The following ABCA12 variants were observed in gnomAD, a reference collection of about 807,000 sequenced individuals.
ABCA12 encodes the protein ATP binding cassette subfamily A member 12.
In ABCA12, 156 loss-of-function variants were observed where a neutral mutation model predicts 293.5. The ratio of observed to expected loss-of-function variants is 0.53; its 90% CI spans 0.47 to 0.61. ABCA12 has a LOEUF of 0.61. Among genes scored for constraint, ABCA12 ranks in the 20% least tolerant of loss-of-function variants. The pLI, the probability that ABCA12 is intolerant of heterozygous loss-of-function variation, is 0.00. For missense variants in ABCA12, 2,797 were observed against 3,090.2 expected (o/e 0.91, Z 2.25); for synonymous variants, 1,063 against 1,108.0 (o/e 0.96, Z 0.81).
rs201503189 is a variant in ABCA12, at chr2:215,011,614, T to C, written c.2157A>G (p.Gln719=). Reference sequence around the variant, plus strand: ...CTTGGGAGATGGTGCTAAATGATCCTTGTGGTGTGTTCATTCGGTTGCTTC... The same window carrying C: ...CTTGGGAGATGGTGCTAAATGATCCCTGTGGTGTGTTCATTCGGTTGCTTC... The part of the protein sequence containing the change: ...MYRSNRMNTP[Q]GSFSTISQAL... The change falls in exon 17 of 53, where the codon CAA becomes CAG. Residue 719 remains glutamine (Q), a synonymous_variant. Coordinates refer to ENST00000272895, the MANE Select transcript of ABCA12 (RefSeq NM_173076.3). The C allele has an allele frequency of 2.5e-6, 4 of 1,614,116 alleles. No homozygotes were observed. The African/African-American group carries it at 5.3e-5, about 22-fold the overall frequency.
Position 214,970,367 on chromosome 2 carries a change from T to C in ABCA12, c.5596A>G (p.Arg1866Gly), listed in dbSNP as rs765417438. 1 of 1,613,358 alleles carries C rather than the reference T, an allele frequency of 6.2e-7. No homozygotes were observed. Among genetic ancestry groups the C allele is most frequent in the African/African-American group, 1.3e-5 (1 of 75,006 alleles). Residue 1866 changes from arginine (R) to glycine (G), a missense_variant, in exon 37 of 53, where the codon AGA (arginine) becomes GGA (glycine). Transcript: ENST00000272895. ...CPKFNYSPPHRRTYSSQVIYN... is the reference protein window; with the variant it reads ...CPKFNYSPPHGRTYSSQVIYN... ...ATTACCTGGGATGAGTAAGTTCTTC[T>C]GTGCGGTGGGGAATAGTTAAATTTA...
intron 7 of ABCA12, 121 bp downstream of exon 7, chr2:215,045,716 G>T (rs899534667): frequency 1.1e-6 from 1 of 892,514 alleles, no homozygotes; most frequent in African/African-American, 1.7e-5. Flanking sequence ...GCAATAAGAG[G>T]CTGAAGGATT....
intron 2 of ABCA12, among the ~76,000 whole-genome samples, chr2:215,078,983 C>CA (rs1402827470): frequency 6.6e-6 from 1 of 152,172 alleles, no homozygotes; most frequent in African/African-American, 2.4e-5. Context: ...ATCTAGGTAA[C>CA]ATGGTATATT....
chr2:215,063,999 G>A (rs1701587584), intron 3 of ABCA12, 67 bp downstream of exon 3: 3 of 1,600,598 alleles, frequency 1.9e-6, no homozygotes, highest in Admixed American at 1.7e-5. Context: ...TGGCTTCCTG[G>A]CTATCTCAGA....
At chr2:215,136,089 G>A (rs1221063382) in intron 1 of ABCA12, among the ~76,000 whole-genome samples, 1 of 152,148 alleles carries the variant, frequency 6.6e-6, no homozygotes, top group East Asian at 1.9e-4. Flanking sequence ...CTGCCGTGAA[G>A]ACTTATCTGT....
chr2:214,980,513 A>G lies in ABCA12; in HGVS notation c.4710T>C (p.Asp1570=). Residue 1570 remains aspartate (D), a synonymous_variant, in exon 31 of 53, where the codon GAT becomes GAC. Transcript: ENST00000272895. ...TCTTGGTAAGCGTGAGGTGATACCC[A>G]TCGCCAAAGGCTTCCTTGAGGTAAA... ...SPFYLKEAFG[D]GYHLTLTKKK... The G allele has an allele frequency of 6.2e-7, 1 of 1,613,900 alleles. No homozygotes were observed. Among genetic ancestry groups the G allele is most frequent in the Non-Finnish European group, 8.5e-7 (1 of 1,179,980 alleles).
At chr2:214,944,862 T>C (rs1361327610) in intron 49 of ABCA12, 139 bp downstream of exon 49, 1 of 636,288 alleles carries the variant, frequency 1.6e-6, no homozygotes. Context: ...GTGTATATAT[T>C]TTGTATGTGT....
rs574554710 is a variant in ABCA12 at position 215,082,245 on chromosome 2, A to G, written c.164-18026T>C. Reference sequence around the variant, plus strand: ...TTTTTAGTAGAGACGGGGTTTCACCATCTTGGCCAGGCTGGTCTCGAACTC... The same window carrying G: ...TTTTTAGTAGAGACGGGGTTTCACCGTCTTGGCCAGGCTGGTCTCGAACTC... On this transcript the variant is annotated intron_variant, in intron 2 of 52. Transcript: ENST00000272895. 1.5e-3 allele frequency among the ~76,000 whole-genome samples: 227 copies of G among 151,772 alleles called. 1 individual carries two copies. The highest frequency in any genetic ancestry group is 2.8e-3 in the Non-Finnish European group (193 of 67,944).
intron 3 of ABCA12, among the ~76,000 whole-genome samples, chr2:215,056,133 T>C (rs538796919): frequency 1.1e-4 from 16 of 151,826 alleles, no homozygotes; most frequent in African/African-American, 3.9e-4. Context: ...AAATGAGCAA[T>C]GGAAAGAGCA....
intron 52 of ABCA12, among the ~76,000 whole-genome samples, chr2:214,933,316 A>G (rs903169580): frequency 3.3e-5 from 5 of 152,312 alleles, no homozygotes; most frequent in Admixed American, 2.0e-4. Flanking sequence ...GTATTTTGCC[A>G]TGGTGCTGGT....
chr2:214,990,801 T>C lies in ABCA12; in HGVS notation c.3525A>G (p.Ala1175=). The C allele has an allele frequency of 1.2e-6, 2 of 1,614,126 alleles. No individual in the cohort carries two copies. The highest frequency in any genetic ancestry group is 1.7e-6 in the Non-Finnish European group (2 of 1,179,986). The change falls in exon 24 of 53, where the codon GCA becomes GCG. Residue 1175 remains alanine (A), a synonymous_variant. Coordinates refer to ENST00000272895, the MANE Select transcript of ABCA12 (RefSeq NM_173076.3). ...ISVFFNNTNI[A]ALIGSLIYII... ...TGTAGATGAGGCTTCCGATCAGAGCTGCAATGTTGGTGTTGTTGAAGAAGA... is the reference window on the plus strand; with the variant it reads ...TGTAGATGAGGCTTCCGATCAGAGCCGCAATGTTGGTGTTGTTGAAGAAGA...
chr2:215,046,115 T>A (rs10179889), intron 6 of ABCA12, 100 bp from the exon 7 acceptor site: 33,672 of 1,248,984 alleles, frequency 0.027, 2,666 homozygotes, highest in African/African-American at 0.27. Flanking sequence ...GATTTTCACA[T>A]AAGCAATTCT....
rs1559098040 is a variant in ABCA12 at position 214,934,085 on chromosome 2, A to G, written c.7673T>C (p.Leu2558Pro). Residue 2558 changes from leucine (L) to proline (P), a missense_variant, in exon 52 of 53, where the codon CTG (leucine) becomes CCG (proline). Leu to Pro is a moderately conservative substitution (Grantham distance 98). This residue lies in a region of ABCA12 where 2,130 missense variants were observed against 2,427.0 expected (regional missense o/e 0.88). Transcript: ENST00000272895. The part of the protein sequence containing the change: ...ITNFLVSQTT[L>P]EEVFINFAKD... ...TCGTGGTATATATCTTACCTCTTCC[A>G]GAGTGGTCTGACTCACTAAGAAATT... 6.2e-7 allele frequency: 1 copy of G among 1,613,412 alleles called. No homozygotes were observed. Among genetic ancestry groups the G allele is most frequent in the Non-Finnish European group, 8.5e-7 (1 of 1,179,572 alleles).
chr2:214,941,152 T>G (rs1008081177), intron 50 of ABCA12, among the ~76,000 whole-genome samples: 1 of 152,228 alleles, frequency 6.6e-6, no homozygotes, highest in Non-Finnish European at 1.5e-5. Flanking sequence ...CCAGTGATTC[T>G]GGTATGTTGT....
intron 39 of ABCA12, among the ~76,000 whole-genome samples, chr2:214,959,561 G>C (rs1699056221): frequency 6.6e-6 from 1 of 152,114 alleles, no homozygotes; most frequent in Non-Finnish European, 1.5e-5. Context: ...AAATAGTGTA[G>C]CCTGAGTGGA....
chr2:215,001,638 T>C lies in ABCA12; in HGVS notation c.2783A>G (p.Asp928Gly). The C allele has an allele frequency of 1.2e-6, 2 of 1,613,826 alleles. No individual in the cohort carries two copies. Among genetic ancestry groups the C allele is most frequent in the Non-Finnish European group, 1.7e-6 (2 of 1,179,846 alleles). Residue 928 changes from aspartate (D) to glycine (G), a missense_variant, in exon 21 of 53, where the codon GAC becomes GGC. By Grantham distance (94) the Asp-to-Gly change is moderately conservative (BLOSUM62 -1). Coordinates refer to ENST00000272895, the MANE Select transcript of ABCA12 (RefSeq NM_173076.3). ...TVNISSCVLY[D>G]RIQAAKTIDE... ...TATGGTTTTTGCTGCCTGAATACGG[T>C]CATATAATACACAAGAGGAAATATT...
At chr2:215,073,329 A>AT (rs959379499) in intron 2 of ABCA12, among the ~76,000 whole-genome samples, 11 of 151,636 alleles carry the variant, frequency 7.3e-5, no homozygotes, top group South Asian at 2.1e-4. Context: ...ATATACATTA[A>AT]TTTTTTTTTA....
chr2:214,967,412 C>T (rs1259655256), intron 38 of ABCA12, among the ~76,000 whole-genome samples: 1 of 152,066 alleles, frequency 6.6e-6, no homozygotes, highest in Non-Finnish European at 1.5e-5. Flanking sequence ...CTTGACATTC[C>T]TCCACTAATT....
intron 1 of ABCA12, among the ~76,000 whole-genome samples, chr2:215,131,584 T>C (rs1454627952): frequency 6.6e-6 from 1 of 151,806 alleles, no homozygotes; most frequent in Non-Finnish European, 1.5e-5. Flanking sequence ...TGTGATGTCA[T>C]CTTTATCATT....
Sources: allele counts gnomAD v4.1 joint callset (sites outside exome capture counted in the v4.1 genomes callset), GRCh38; gene constraint gnomAD v4.1.1; regional missense constraint gnomAD v4.1.1; transcripts MANE v1.5; gene names NCBI Gene and HGNC (gene_info 2026-07-23, HGNC 2026-07-21).